KLHL32: variants seen among roughly 807,000 people sequenced by gnomAD.
The protein encoded by KLHL32 is kelch-like protein 32.
A neutral mutation model predicts 64.8 loss-of-function variants in KLHL32; 35 were observed. The ratio of observed to expected loss-of-function variants is 0.54; its 90% confidence interval spans 0.41 to 0.72. The LOEUF (loss-of-function observed/expected upper bound fraction) is 0.72. Among genes scored for constraint, KLHL32 ranks in the 30% least tolerant of loss-of-function variants. The probability of loss-of-function intolerance (pLI) is 0.00; values close to 1 mark genes in which losing one functional copy is unlikely to be tolerated. For synonymous variants in KLHL32, 259 were observed against 281.0 expected (o/e 0.92, Z 0.78); for missense variants, 589 against 768.5 (o/e 0.77, Z 2.76).
rs1356474676 is a variant in KLHL32 at position 96,988,372 on chromosome 6, A to G, written c.204+12195A>G. On this transcript the variant is annotated intron_variant, in intron 3 of 10. Coordinates refer to ENST00000369261, the MANE Select transcript of KLHL32 (RefSeq NM_052904.4). ...GAAAAAATGCTCATCATCACTGGCC[A>G]TCAGAGAAATGCAAATCAAAACCAC... is the stretch of plus-strand genomic sequence containing the variant. 3.9e-5 allele frequency among the ~76,000 whole-genome samples: 6 copies of G among 152,320 alleles called. No homozygotes were observed. In the East Asian group the frequency reaches 9.6e-4, roughly 24 times the overall value.
At chr6:96,987,605 T>G (rs140185595) in intron 3 of KLHL32, among the ~76,000 whole-genome samples, 1,812 of 152,286 alleles carry the variant, frequency 0.012, 49 homozygotes, top group African/African-American at 0.042. Flanking sequence ...AAAACTACTT[T>G]AAAGTTCATA....
chr6:97,015,864 A>C (rs529260486), intron 3 of KLHL32, among the ~76,000 whole-genome samples: 14 of 152,178 alleles, frequency 9.2e-5, no homozygotes, highest in Admixed American at 2.0e-4. Context: ...CAGCCTTGGG[A>C]CTTGGTCCCC....
At chr6:97,004,529 G>A (rs1253288686) in intron 3 of KLHL32, among the ~76,000 whole-genome samples, 1 of 152,188 alleles carries the variant, frequency 6.6e-6, no homozygotes. Context: ...TAGGAGTGGT[G>A]AGAGTGGGCA....
At position 97,114,166 on chromosome 6, in the gene KLHL32, C is replaced by A; in HGVS notation, c.1011C>A (p.Ser337Arg). ...SELAPMPVGR[S>R]HHCVAVMGDF... ...TGGCTCCCATGCCTGTGGGAAGGAGCCACCATTGTGTGGCAGTCATGGGGG... is the reference window on the plus strand; with the variant it reads ...TGGCTCCCATGCCTGTGGGAAGGAGACACCATTGTGTGGCAGTCATGGGGG... Residue 337 changes from serine (S) to arginine (R), a missense_variant, in exon 7 of 11, where the codon AGC becomes AGA. Coordinates refer to ENST00000369261, the MANE Select transcript of KLHL32 (RefSeq NM_052904.4). The A allele has an allele frequency of 6.2e-7, 1 of 1,614,184 alleles. No individual in the cohort carries two copies. Among genetic ancestry groups the A allele is most frequent in the Non-Finnish European group, 8.5e-7 (1 of 1,180,032 alleles).
At chr6:96,988,281 C>G (rs555376669) in intron 3 of KLHL32, among the ~76,000 whole-genome samples, 1 of 152,234 alleles carries the variant, frequency 6.6e-6, no homozygotes, top group East Asian at 1.9e-4. Flanking sequence ...ACCCCATCCA[C>G]AAGTGGGTGA....
chr6:96,975,617 A>C (rs554882781), intron 2 of KLHL32, among the ~76,000 whole-genome samples: 23 of 152,274 alleles, frequency 1.5e-4, no homozygotes, highest in African/African-American at 5.1e-4. Context: ...ACACATATAC[A>C]CATGCCCAGA....
intron 3 of KLHL32, among the ~76,000 whole-genome samples, chr6:97,040,839 G>T (rs1192488994): frequency 6.6e-6 from 1 of 152,090 alleles, no homozygotes; most frequent in African/African-American, 2.4e-5. Context: ...TTTATAAAGG[G>T]CTCTTCCCCT....
intron 5 of KLHL32, among the ~76,000 whole-genome samples, chr6:97,084,113 G>A (rs1333599184): frequency 2.0e-5 from 3 of 152,092 alleles, no homozygotes; most frequent in Non-Finnish European, 2.9e-5. Context: ...AACCAGAAAG[G>A]GGAAAAGTAG....
chr6:96,920,503 C>T (rs887478507), upstream of KLHL32, among the ~76,000 whole-genome samples: 1 of 152,034 alleles, frequency 6.6e-6, no homozygotes, highest in Admixed American at 6.6e-5. Context: ...GTGTATGGCA[C>T]TGAACAGAGC....
intron 4 of KLHL32, among the ~76,000 whole-genome samples, chr6:97,063,647 A>G (rs950845856): frequency 3.3e-5 from 5 of 152,190 alleles, no homozygotes; most frequent in Non-Finnish European, 2.9e-5. Context: ...TGTGCATCAG[A>G]GCCACTCAGG....
upstream of KLHL32, among the ~76,000 whole-genome samples, chr6:96,923,406 A>C (rs543555411): frequency 6.6e-6 from 1 of 152,332 alleles, no homozygotes; most frequent in East Asian, 1.9e-4. Context: ...ATGACACTGC[A>C]CCTAATGTTT....
chr6:97,072,682 A>C (rs1790941699), intron 5 of KLHL32, among the ~76,000 whole-genome samples: 1 of 150,946 alleles, frequency 6.6e-6, no homozygotes, highest in Non-Finnish European at 1.5e-5. Context: ...TCTGTGAATT[A>C]TTTTTCCCTC....
At chr6:97,093,951 C>T (rs1206985880) in intron 6 of KLHL32, among the ~76,000 whole-genome samples, 2 of 152,140 alleles carry the variant, frequency 1.3e-5, no homozygotes, top group Admixed American at 1.3e-4. Flanking sequence ...AGGCTGTTGT[C>T]CCTATTTGAG....
chr6:97,076,311 A>G (rs866255134), intron 5 of KLHL32, among the ~76,000 whole-genome samples: 1 of 152,212 alleles, frequency 6.6e-6, no homozygotes, highest in Non-Finnish European at 1.5e-5. Context: ...ATGCAAAGCT[A>G]TAGTTTAAGT....
chr6:96,969,323 T>C (rs964526785), intron 2 of KLHL32, among the ~76,000 whole-genome samples: 2 of 152,196 alleles, frequency 1.3e-5, no homozygotes, highest in Non-Finnish European at 2.9e-5. Context: ...TTTTTCAAAA[T>C]ATGGTTGTAC....
At chr6:96,919,844 T>C (rs1726512745), upstream of KLHL32, among the ~76,000 whole-genome samples, 6 of 152,240 alleles carry the variant, frequency 3.9e-5, no homozygotes, top group South Asian at 1.0e-3. Flanking sequence ...ATAACTGATA[T>C]GCCTTTGGTT....
At chr6:97,032,350 G>A (rs75182331) in intron 3 of KLHL32, among the ~76,000 whole-genome samples, 1,629 of 152,108 alleles carry the variant, frequency 0.011, 16 homozygotes, top group Non-Finnish European at 0.017. Context: ...TTACCAATAT[G>A]GTGTTCCTTT....
At position 97,130,824 on chromosome 6, in the gene KLHL32, G is replaced by A; in HGVS notation, c.1481G>A (p.Arg494Lys). The A allele has an allele frequency of 6.2e-7, 1 of 1,614,066 alleles. No individual in the cohort carries two copies. The highest frequency in any genetic ancestry group is 8.5e-7 in the Non-Finnish European group (1 of 1,179,986). The change falls in exon 9 of 11, where the codon AGG (arginine) becomes AAG (lysine). Residue 494 changes from arginine to lysine, a missense_variant. Arg to Lys is a conservative substitution (Grantham distance 26). This residue lies in a region of KLHL32 where 172 missense variants were observed against 192.0 expected (regional missense o/e 0.90). Transcript: ENST00000369261. ...RVYHSMAAVQRKLYVLGGNDL... is the reference protein window; with the variant it reads ...RVYHSMAAVQKKLYVLGGNDL... Reference sequence around the variant, plus strand: ...TACCATTCCATGGCTGCTGTACAAAGGAAGCTTTATGTTCTTGGAGGCAAT... The same window carrying A: ...TACCATTCCATGGCTGCTGTACAAAAGAAGCTTTATGTTCTTGGAGGCAAT...
At chr6:97,109,912 C>A (rs1057293148) in intron 6 of KLHL32, among the ~76,000 whole-genome samples, 1 of 152,292 alleles carries the variant, frequency 6.6e-6, no homozygotes, top group South Asian at 2.1e-4. Context: ...GCAAATATTA[C>A]GTTTCAGAAA....
Sources: allele counts gnomAD v4.1 joint callset (sites outside exome capture counted in the v4.1 genomes callset), GRCh38; gene constraint gnomAD v4.1.1; regional missense constraint gnomAD v4.1.1; transcripts MANE v1.5; gene names NCBI Gene and HGNC (gene_info 2026-07-23, HGNC 2026-07-21).